Variants in GRIA2 observed in about 807,000 individuals in gnomAD.
The protein encoded by GRIA2 is glutamate ionotropic receptor AMPA type subunit 2, also known as glutamate receptor 2.
GRIA2 carries 14 observed loss-of-function variants against 97.3 expected under a neutral mutation model. The ratio of observed to expected loss-of-function variants is 0.14; its 90% CI spans 0.10 to 0.23. GRIA2 has a LOEUF of 0.23. Ranked by LOEUF, GRIA2 falls within the 10% of genes least tolerant of loss-of-function variation. The pLI, the probability that GRIA2 is intolerant of heterozygous loss-of-function variation, is 1.00. For synonymous variants in GRIA2, 412 were observed against 387.8 expected (o/e 1.06, Z -0.73); for missense variants, 558 against 1,069.8 (o/e 0.52, Z 6.67).
intron 2 of GRIA2, among the ~76,000 whole-genome samples, chr4:157,298,423 G>A (rs935992849): frequency 2.2e-4 from 33 of 151,958 alleles, no homozygotes; most frequent in African/African-American, 7.7e-4. Context: ...CTGAACTATT[G>A]CATATAAATG....
At chr4:157,322,293 A>C (rs962894047) in intron 6 of GRIA2, among the ~76,000 whole-genome samples, 3 of 150,878 alleles carry the variant, frequency 2.0e-5, no homozygotes, top group African/African-American at 7.3e-5. Flanking sequence ...ATAAAATAAC[A>C]GTTGATGAGT....
At chr4:157,331,052 A>G (rs1409729947) in intron 6 of GRIA2, among the ~76,000 whole-genome samples, 1 of 152,012 alleles carries the variant, frequency 6.6e-6, no homozygotes, top group Non-Finnish European at 1.5e-5. Flanking sequence ...TGCAGAACAT[A>G]AGCAAAAAGG....
intron 12 of GRIA2, among the ~76,000 whole-genome samples, chr4:157,350,931 C>CT (rs1240937135): frequency 0.028 from 3,289 of 117,460 alleles, 83 homozygotes; most frequent in South Asian, 0.069. Context: ...TTAGTTTTTT[C>CT]TTTTTTTTTT....
intron 2 of GRIA2, among the ~76,000 whole-genome samples, chr4:157,252,293 C>A (rs1173752267): frequency 6.6e-6 from 1 of 152,072 alleles, no homozygotes; most frequent in Non-Finnish European, 1.5e-5. Flanking sequence ...GCCGACTGGG[C>A]CACTCTTCTG....
In GRIA2 at chr4:157,239,578, TG is replaced by T. The variant is rs530241435; in HGVS notation, c.229+17772del. Among the ~76,000 whole-genome samples, 125 of 152,124 alleles carry T rather than the reference TG, an allele frequency of 8.2e-4. 1 individual carries two copies. Among genetic ancestry groups the T allele is most frequent in the African/African-American group, 3.0e-3 (124 of 41,556 alleles). ...ATACTTGAAACTATATTTCTTATTT[TG>T]ACAATTAGAAAGATTGTCTTTCAAC... On this transcript the variant is annotated intron_variant, in intron 2 of 15. Coordinates refer to ENST00000264426, the MANE Select transcript of GRIA2 (RefSeq NM_001083619.3).
At chr4:157,363,080 T>G in intron 15 of GRIA2, 33 bp downstream of exon 15, 1 of 1,574,250 alleles carries the variant, frequency 6.4e-7, no homozygotes, top group Non-Finnish European at 8.6e-7. Flanking sequence ...AACTTTTTAG[T>G]GCACGTTTAG....
chr4:157,356,505 G>T (rs1736384712), intron 12 of GRIA2, among the ~76,000 whole-genome samples: 1 of 151,982 alleles, frequency 6.6e-6, no homozygotes, highest in South Asian at 2.1e-4. Flanking sequence ...CTCAAATGTA[G>T]ATGTTGCTTA....
intron 2 of GRIA2, among the ~76,000 whole-genome samples, chr4:157,224,002 G>T (rs1170018650): frequency 1.3e-5 from 2 of 152,214 alleles, no homozygotes; most frequent in South Asian, 4.2e-4. Flanking sequence ...CAGAATATGT[G>T]TATATATTAA....
intron 2 of GRIA2, among the ~76,000 whole-genome samples, chr4:157,264,839 T>C (rs1261574150): frequency 6.6e-6 from 1 of 151,962 alleles, no homozygotes; most frequent in Non-Finnish European, 1.5e-5. Context: ...ACAACTAACA[T>C]TCTCTGGGAG....
chr4:157,305,080 G>T (rs139901211), intron 3 of GRIA2, among the ~76,000 whole-genome samples: 6 of 152,262 alleles, frequency 3.9e-5, no homozygotes, highest in Admixed American at 6.5e-5. Flanking sequence ...AGATTTCAAT[G>T]TGCTGGATGT....
Position 157,277,874 on chromosome 4 carries a change from A to ATATATATGTATATATGTATATATATATG in GRIA2, c.230-25662_230-25635dup, listed in dbSNP as rs1560743359. ...TATATGTATATATATGTATATATGT[A>ATATATATGTATATATGTATATATATATG]TATATATGTATATATGTATATATAT... On this transcript the variant is annotated intron_variant, in intron 2 of 15. Transcript: ENST00000264426. 3.3e-4 allele frequency among the ~76,000 whole-genome samples: 48 copies of ATATATATGTATATATGTATATATATATG among 144,210 alleles called. 1 individual carries two copies. Among genetic ancestry groups the ATATATATGTATATATGTATATATATATG allele is most frequent in the East Asian group, 7.9e-4 (4 of 5,088 alleles). The allele number at this position is 144,210 out of a possible 152,430, so 94.6% of individuals were successfully genotyped here. A position where few individuals can be genotyped will look rare whatever the true frequency, so the allele number is the denominator to read the frequency against.
intron 12 of GRIA2, among the ~76,000 whole-genome samples, chr4:157,343,701 T>C (rs547345118): frequency 3.9e-5 from 6 of 152,082 alleles, no homozygotes; most frequent in Admixed American, 3.9e-4. Context: ...CACATTATTC[T>C]GTTTGTAACA....
intron 2 of GRIA2, among the ~76,000 whole-genome samples, chr4:157,240,369 G>A (rs1730450877): frequency 6.6e-6 from 1 of 151,964 alleles, no homozygotes; most frequent in Non-Finnish European, 1.5e-5. Flanking sequence ...ATTAATCTAG[G>A]TTTAAATTAC....
At chr4:157,277,689 A>T (rs1286443377) in intron 2 of GRIA2, among the ~76,000 whole-genome samples, 1 of 151,368 alleles carries the variant, frequency 6.6e-6, no homozygotes, top group Non-Finnish European at 1.5e-5. Context: ...TGCAGGATTC[A>T]AGGTGAATAT....
At chr4:157,325,724 T>C (rs1734774951) in intron 6 of GRIA2, among the ~76,000 whole-genome samples, 1 of 152,300 alleles carries the variant, frequency 6.6e-6, no homozygotes, top group South Asian at 2.1e-4. Context: ...CTTGGTCCTT[T>C]ACTTTTCTCT....
intron 3 of GRIA2, among the ~76,000 whole-genome samples, chr4:157,304,613 G>A (rs773284043): frequency 6.6e-5 from 10 of 152,118 alleles, no homozygotes; most frequent in Admixed American, 1.3e-4. Flanking sequence ...TGTTTTTAGA[G>A]AGAGTATCCG....
Position 157,262,033 on chromosome 4 carries a change from C to T in GRIA2, c.229+40226C>T, listed in dbSNP as rs149377216. On this transcript the variant is annotated intron_variant, in intron 2 of 15. Coordinates refer to ENST00000264426, the MANE Select transcript of GRIA2 (RefSeq NM_001083619.3). ...ACCCTCTTGCTGGGAAATATAACGT[C>T]CTCTTTATCCATATTAGATAATGGT... Among the ~76,000 whole-genome samples, 25 of 152,166 alleles carry T rather than the reference C, an allele frequency of 1.6e-4. 1 individual carries two copies. The highest frequency in any genetic ancestry group is 5.1e-4 in the African/African-American group (21 of 41,534).
At position 157,289,806 on chromosome 4, in the gene GRIA2, A is replaced by G. The variant is rs969054645; in HGVS notation, c.230-13746A>G. Among the ~76,000 whole-genome samples the G allele has an allele frequency of 5.3e-5, 8 of 151,916 alleles. No individual in the cohort carries two copies. The South Asian group carries it at 1.7e-3, about 31-fold the overall frequency. On this transcript the variant is annotated intron_variant, in intron 2 of 15. Coordinates refer to ENST00000264426, the MANE Select transcript of GRIA2 (RefSeq NM_001083619.3). ...TAAAAATAAAAGAAAAGAATTTTAA[A>G]TAAAAAGCTAGAGAGATTATTTTTC...
At chr4:157,299,608 A>G (rs2126856781) in intron 2 of GRIA2, among the ~76,000 whole-genome samples, 1 of 151,826 alleles carries the variant, frequency 6.6e-6, no homozygotes, top group South Asian at 2.1e-4. Context: ...GAGCAGAGTG[A>G]CCTAAGAGAA....
Sources: allele counts gnomAD v4.1 joint callset (sites outside exome capture counted in the v4.1 genomes callset), GRCh38; gene constraint gnomAD v4.1.1; transcripts MANE v1.5; gene names NCBI Gene and HGNC (gene_info 2026-07-23, HGNC 2026-07-21).